The following ATRX variants were observed in gnomAD, a reference collection of about 807,000 sequenced individuals.
ATRX encodes ATRX chromatin remodeler, also known as chromatin remodeler ATRX.
Under a neutral mutation model 172.6 loss-of-function variants are expected in ATRX, and 12 were observed. The observed-to-expected ratio is 0.07, with a 90% CI of 0.04 to 0.11. The LOEUF is 0.11. Among genes scored for constraint, ATRX ranks in the 10% least tolerant of loss-of-function variants. ATRX has a pLI of 1.00. For missense variants in ATRX, 1,368 were observed against 1,767.4 expected (o/e 0.77, Z 4.05); for synonymous variants, 674 against 594.7 (o/e 1.13, Z -1.94).
At chrX:77,534,020 A>G (rs1234405775) in intron 30 of ATRX, among the ~76,000 whole-genome samples, 5 of 112,233 alleles carry the variant, frequency 4.5e-5, no homozygotes, top group African/African-American at 1.6e-4. Context: ...GTTAATGAAT[A>G]AAGTTTAATG....
At chrX:77,645,986 A>C (rs1293212754) in intron 15 of ATRX, among the ~76,000 whole-genome samples, 1 of 112,037 alleles carries the variant, frequency 8.9e-6, no homozygotes, top group Non-Finnish European at 1.9e-5. Context: ...TGAGATGGGA[A>C]TCAAAATATG....
intron 12 of ATRX, among the ~76,000 whole-genome samples, chrX:77,657,241 T>C (rs1442748578): frequency 1.8e-5 from 2 of 111,707 alleles, no homozygotes; most frequent in African/African-American, 6.5e-5. Context: ...CAGACGGTAC[T>C]GACAACAAGA....
chrX:77,696,619 C>T lies in ATRX; in HGVS notation c.328G>A (p.Glu110Lys). ...DETVNEDASN[E>K]NSENDITMQS... Reference sequence around the variant, plus strand: ...ATAGTAATATCATTTTCTGAATTTTCATTAGACGCATCTTCATTTACAGTT... The same window carrying T: ...ATAGTAATATCATTTTCTGAATTTTTATTAGACGCATCTTCATTTACAGTT... Residue 110 changes from glutamate to lysine, a missense_variant, in exon 5 of 35, where the codon GAA becomes AAA. Physicochemically the swap from Glu to Lys is moderately conservative, Grantham distance 56. Transcript: ENST00000373344. 8.3e-7 allele frequency: 1 copy of T among 1,202,812 alleles called. No individual in the cohort carries two copies. Among genetic ancestry groups the T allele is most frequent in the Non-Finnish European group, 1.1e-6 (1 of 887,767 alleles).
chrX:77,664,544 C>T (rs1305581101), intron 11 of ATRX, 101 bp downstream of exon 11: 25 of 1,109,849 alleles, frequency 2.3e-5, no homozygotes, highest in Non-Finnish European at 2.7e-5. Flanking sequence ...AGCCACCACG[C>T]CGGGCCATAT....
At chrX:77,730,022 C>T (rs781936433) in intron 1 of ATRX, among the ~76,000 whole-genome samples, 31 of 111,959 alleles carry the variant, frequency 2.8e-4, no homozygotes, top group Non-Finnish European at 7.5e-5. Flanking sequence ...CAGTAATTAA[C>T]GATTTTGACT....
At chrX:77,649,950 T>G (rs1358415406) in intron 15 of ATRX, among the ~76,000 whole-genome samples, 2 of 111,932 alleles carry the variant, frequency 1.8e-5, no homozygotes, top group African/African-American at 6.5e-5. Context: ...GTACTAGACC[T>G]GTACAGAGAA....
rs782495047 is a variant in ATRX at position 77,505,073 on chromosome X, G to T, written c.*3278C>A. 6.0e-6 allele frequency: 1 copy of T among 166,963 alleles called. No individual in the cohort carries two copies. Among genetic ancestry groups the T allele is most frequent in the African/African-American group, 3.0e-5 (1 of 33,196 alleles). 13.8% of individuals were successfully genotyped at this position (166,963 alleles called of 1,213,427 possible). On this transcript the variant is annotated 3_prime_UTR_variant, in exon 35 of 35. Coordinates refer to ENST00000373344, the MANE Select transcript of ATRX (RefSeq NM_000489.6). ...GGAGATAGCCAAGTCACTTGAGACTGAGTCTGGTGAAATAAAGTAGTAAAT... is the reference window on the plus strand; with the variant it reads ...GGAGATAGCCAAGTCACTTGAGACTTAGTCTGGTGAAATAAAGTAGTAAAT...
intron 28 of ATRX, among the ~76,000 whole-genome samples, chrX:77,571,239 C>G (rs1602592769): frequency 8.9e-6 from 1 of 111,862 alleles, no homozygotes; most frequent in Non-Finnish European, 1.9e-5. Flanking sequence ...TAGGTCCACA[C>G]AAAAAGCTGG....
At chrX:77,549,950 T>A (rs2064409504) in intron 30 of ATRX, among the ~76,000 whole-genome samples, 1 of 110,118 alleles carries the variant, frequency 9.1e-6, no homozygotes, top group African/African-American at 3.3e-5. Flanking sequence ...CGAGACCTTG[T>A]CTCAAAAATG....
At chrX:77,676,482 A>G (rs1433503634) in intron 9 of ATRX, among the ~76,000 whole-genome samples, 184 bp from the exon 10 acceptor site, 2 of 112,188 alleles carry the variant, frequency 1.8e-5, no homozygotes, top group Non-Finnish European at 3.8e-5. Context: ...AAGTGCCAGC[A>G]GTAAAATGAT....
intron 2 of ATRX, among the ~76,000 whole-genome samples, chrX:77,702,485 T>C (rs1289553849): frequency 1.8e-5 from 2 of 110,906 alleles, no homozygotes; most frequent in Non-Finnish European, 3.8e-5. Context: ...GGAATAAAAT[T>C]AGTTCAGGAA....
intron 28 of ATRX, among the ~76,000 whole-genome samples, chrX:77,573,020 C>A (rs1468981196): frequency 9.0e-6 from 1 of 111,656 alleles, no homozygotes; most frequent in Non-Finnish European, 1.9e-5. Flanking sequence ...AAACTAACCC[C>A]ATCTCCTTTA....
Position 77,593,869 on chromosome X carries a change from C to A in ATRX, c.5957-20G>T, listed in dbSNP as rs1557082477. ...CTTTACCTAAATAAGACAAATGGAA[C>A]ATAAGTAGGTAAATTAGAAAAGAAA... is the stretch of plus-strand genomic sequence containing the variant. On this transcript the variant is annotated intron_variant, in intron 25 of 34. Coordinates refer to ENST00000373344, the MANE Select transcript of ATRX (RefSeq NM_000489.6). The A allele has an allele frequency of 8.4e-7, 1 of 1,188,065 alleles. No individual in the cohort carries two copies. Among genetic ancestry groups the A allele is most frequent in the Non-Finnish European group, 1.1e-6 (1 of 875,903 alleles).
chrX:77,702,724 G>A (rs1026477838), intron 2 of ATRX, among the ~76,000 whole-genome samples: 2 of 111,428 alleles, frequency 1.8e-5, no homozygotes, highest in African/African-American at 6.5e-5. Flanking sequence ...TGAATTAGAA[G>A]ATAACATTTT....
chrX:77,640,929 G>A (rs2068623397), intron 15 of ATRX, among the ~76,000 whole-genome samples: 1 of 111,558 alleles, frequency 9.0e-6, no homozygotes, highest in African/African-American at 3.3e-5. Context: ...CCAAGAAGCT[G>A]TGAGCTAAAC....
rs782801097 is a variant in ATRX at position 77,682,001 on chromosome X, T to G, written c.3255A>C (p.Gly1085=). 8 of 1,210,978 alleles carry G rather than the reference T, an allele frequency of 6.6e-6. No homozygotes were observed. Among genetic ancestry groups the G allele is most frequent in the Non-Finnish European group, 8.9e-6 (8 of 894,914 alleles). Residue 1085 remains glycine (G), a synonymous_variant, in exon 9 of 35, where the codon GGA becomes GGC. Coordinates refer to ENST00000373344, the MANE Select transcript of ATRX (RefSeq NM_000489.6). The part of the protein sequence containing the change: ...DSSEDKKSKN[G]AYGREKKRCK... ...ACCTTTTCTTCTCTCTACCATATGC[T>G]CCATTCTTACTCTTTTTATCCTCTG... is the stretch of plus-strand genomic sequence containing the variant.
chrX:77,657,903 G>A (rs951007554), intron 12 of ATRX, among the ~76,000 whole-genome samples: 4 of 111,910 alleles, frequency 3.6e-5, no homozygotes, highest in South Asian at 3.7e-4. Flanking sequence ...AAAGTTAACC[G>A]TGAGAGTAAT....
rs1392538922 is a variant in ATRX at position 77,781,056 on chromosome X, A to C, written c.20+4926T>G. Among the ~76,000 whole-genome samples, 4 of 111,780 alleles carry C rather than the reference A, an allele frequency of 3.6e-5. No homozygotes were observed. The East Asian group carries it at 1.1e-3, about 32-fold the overall frequency. On this transcript the variant is annotated intron_variant, in intron 1 of 34. Coordinates refer to ENST00000373344, the MANE Select transcript of ATRX (RefSeq NM_000489.6). ...CATACAATCAAGCAACAGAGCTATA[A>C]CTGAAAAACCAAGGCTTGGCTCACA... is the stretch of plus-strand genomic sequence containing the variant.
chrX:77,663,303 T>C (rs1251194927), intron 12 of ATRX, 79 bp downstream of exon 12: 2 of 1,134,229 alleles, frequency 1.8e-6, no homozygotes, highest in African/African-American at 3.6e-5. Context: ...CACCTCAGCT[T>C]CCCAAAGTGC....
Sources: gnomAD v4.1 joint callset for allele counts (sites outside exome capture counted in the v4.1 genomes callset) on GRCh38, gnomAD v4.1.1 for gene constraint, MANE v1.5 for transcripts, NCBI Gene and HGNC (gene_info 2026-07-23, HGNC 2026-07-21) for gene names.